The following GRIK4 variants were observed in gnomAD, a reference collection of about 807,000 sequenced individuals.
GRIK4 encodes glutamate receptor ionotropic, kainate 4.
Under a neutral mutation model 104.9 loss-of-function variants are expected in GRIK4, and 40 were observed. The observed-to-expected ratio is 0.38, with a 90% CI of 0.30 to 0.50. GRIK4 has a LOEUF of 0.50. Ranked by LOEUF, GRIK4 falls within the 20% of genes least tolerant of loss-of-function variation. The pLI, the probability that GRIK4 is intolerant of heterozygous loss-of-function variation, is 0.93. For synonymous variants in GRIK4, 485 were observed against 524.9 expected (o/e 0.92, Z 1.04); for missense variants, 1,047 against 1,308.1 (o/e 0.80, Z 3.08).
chr11:120,804,737 C>T (rs895718797), intron 4 of GRIK4, among the ~76,000 whole-genome samples: 1 of 152,182 alleles, frequency 6.6e-6, no homozygotes, highest in African/African-American at 2.4e-5. Flanking sequence ...GGGCAGCTTC[C>T]CCCAGTGCCT....
intron 1 of GRIK4, among the ~76,000 whole-genome samples, chr11:120,594,790 A>G (rs1279525718): frequency 1.3e-5 from 2 of 151,904 alleles, no homozygotes; most frequent in Non-Finnish European, 2.9e-5. Flanking sequence ...CCGTACCATG[A>G]CTCCATTGCC....
At chr11:120,962,822 A>ATT in intron 18 of GRIK4, 141 bp downstream of exon 18, 5 of 461,072 alleles carry the variant, frequency 1.1e-5, no homozygotes, top group African/African-American at 2.3e-5. Flanking sequence ...GGCATTCTAA[A>ATT]GTTTTTTTTT....
intron 3 of GRIK4, among the ~76,000 whole-genome samples, chr11:120,775,363 T>C (rs1291273504): frequency 6.6e-6 from 1 of 152,062 alleles, no homozygotes; most frequent in African/African-American, 2.4e-5. Context: ...CACAGCTGGG[T>C]TGGGCAGCAA....
intron 20 of GRIK4, among the ~76,000 whole-genome samples, chr11:120,983,700 C>T (rs1275274171): frequency 2.6e-5 from 4 of 152,184 alleles, no homozygotes; most frequent in African/African-American, 9.7e-5. Context: ...CCTGCTGTCT[C>T]CCAGCAATTG....
intron 1 of GRIK4, among the ~76,000 whole-genome samples, chr11:120,611,854 C>T (rs1949042587): frequency 6.6e-6 from 1 of 152,208 alleles, no homozygotes; most frequent in African/African-American, 2.4e-5. Context: ...TGCGCCCCAC[C>T]TGGGATGAAG....
At position 120,986,191 on chromosome 11, in the gene GRIK4, G is replaced by GCC. The variant is rs1944746411; in HGVS notation, c.2803_2804dup (p.Ser936ArgfsTer120). On this transcript the variant is annotated frameshift_variant, in exon 21 of 21. Coordinates refer to ENST00000527524, the MANE Select transcript of GRIK4 (RefSeq NM_014619.5). LOFTEE classifies it high-confidence loss of function. ...GCCGCTTCCAGGGCCTGCGGGCACG[G>GCC]CCGTCGCCCGCCCGCAGCGAGGAGA... is the stretch of plus-strand genomic sequence containing the variant. 1 of 1,565,796 alleles carries GCC rather than the reference G, an allele frequency of 6.4e-7. No individual in the cohort carries two copies. Among genetic ancestry groups the GCC allele is most frequent in the Non-Finnish European group, 8.6e-7 (1 of 1,165,660 alleles).
At chr11:120,673,383 C>A (rs1333663667) in intron 3 of GRIK4, among the ~76,000 whole-genome samples, 1 of 152,210 alleles carries the variant, frequency 6.6e-6, no homozygotes, top group Non-Finnish European at 1.5e-5. Context: ...CAGCCCTTAA[C>A]AAGTGCTGCT....
At chr11:120,610,331 AT>A (rs1179467651) in intron 1 of GRIK4, among the ~76,000 whole-genome samples, 1 of 152,238 alleles carries the variant, frequency 6.6e-6, no homozygotes, top group Non-Finnish European at 1.5e-5. Context: ...TAAGTTGTAT[AT>A]TAACACCTTC....
chr11:120,948,239 T>C (rs1439945235), intron 14 of GRIK4, among the ~76,000 whole-genome samples: 1 of 152,180 alleles, frequency 6.6e-6, no homozygotes, highest in African/African-American at 2.4e-5. Flanking sequence ...GAGTTGACTA[T>C]ATCACAAGCA....
intron 1 of GRIK4, among the ~76,000 whole-genome samples, chr11:120,554,937 G>A (rs1382796800): frequency 6.6e-6 from 1 of 152,176 alleles, no homozygotes; most frequent in South Asian, 2.1e-4. Flanking sequence ...TGTCTGCCCT[G>A]CCTGGTGGGT....
At chr11:120,532,958 G>A (rs1947937613) in intron 1 of GRIK4, among the ~76,000 whole-genome samples, 1 of 152,164 alleles carries the variant, frequency 6.6e-6, no homozygotes, top group African/African-American at 2.4e-5. Context: ...AGCACTAAGG[G>A]GACACATTCC....
chr11:120,660,523 T>G (rs545212051), intron 3 of GRIK4, 123 bp downstream of exon 3: 1 of 700,884 alleles, frequency 1.4e-6, no homozygotes, highest in East Asian at 2.7e-5. Flanking sequence ...CCTCCCTGAG[T>G]GTGGCTGGGG....
At chr11:120,718,439 G>T (rs1056894586) in intron 3 of GRIK4, among the ~76,000 whole-genome samples, 1 of 152,312 alleles carries the variant, frequency 6.6e-6, no homozygotes, top group African/African-American at 2.4e-5. Flanking sequence ...TTAGGCAGCC[G>T]CAAGTGGATT....
At chr11:120,764,011 G>A (rs569638441) in intron 3 of GRIK4, among the ~76,000 whole-genome samples, 1 of 152,242 alleles carries the variant, frequency 6.6e-6, no homozygotes, top group South Asian at 2.1e-4. Context: ...TTAATTTTCT[G>A]TCTCGTTGAT....
intron 6 of GRIK4, among the ~76,000 whole-genome samples, chr11:120,823,912 G>A (rs954515457): frequency 6.6e-6 from 1 of 152,184 alleles, no homozygotes; most frequent in Non-Finnish European, 1.5e-5. Context: ...CAGGGAAGGT[G>A]GAGCAGAGCA....
intron 8 of GRIK4, among the ~76,000 whole-genome samples, chr11:120,856,550 G>A (rs1189574521): frequency 1.3e-5 from 2 of 152,164 alleles, no homozygotes; most frequent in Non-Finnish European, 2.9e-5. Context: ...CAGTTGACTG[G>A]GTGTGGAGTT....
At chr11:120,574,712 A>T (rs939526426) in intron 1 of GRIK4, among the ~76,000 whole-genome samples, 2 of 152,150 alleles carry the variant, frequency 1.3e-5, no homozygotes, top group African/African-American at 4.8e-5. Context: ...AATGTGTTTG[A>T]ATGAAGGAAT....
chr11:120,985,627 C>CA lies in GRIK4; in HGVS notation c.2515-262dup, dbSNP rs34882153. On this transcript the variant is annotated intron_variant, in intron 20 of 20. Transcript: ENST00000527524. ...GGAAGCAGCATTTAATGGAAATGTG[C>CA]AAAAAAAAAAAAAAAGTGAGATCAT... 9.9e-3 allele frequency among the ~76,000 whole-genome samples: 1,133 copies of CA among 113,940 alleles called. 17 individuals are homozygous for CA. Among genetic ancestry groups the CA allele is most frequent in the South Asian group, 0.021 (73 of 3,474 alleles). 74.7% of individuals were successfully genotyped at this position (113,940 alleles called of 152,430 possible). A position where few individuals can be genotyped will look rare whatever the true frequency, so the allele number is the denominator to read the frequency against.
At chr11:120,755,571 G>A (rs1303334517) in intron 3 of GRIK4, among the ~76,000 whole-genome samples, 1 of 151,684 alleles carries the variant, frequency 6.6e-6, no homozygotes, top group East Asian at 1.9e-4. Context: ...TCACACCACT[G>A]CACTCCACCC....
Sources: gnomAD v4.1 joint callset for allele counts (sites outside exome capture counted in the v4.1 genomes callset) on GRCh38, gnomAD v4.1.1 for gene constraint, MANE v1.5 for transcripts, NCBI Gene and HGNC (gene_info 2026-07-23, HGNC 2026-07-21) for gene names.